Variants in KEL observed in about 807,000 individuals in gnomAD.
KEL encodes kell blood group glycoprotein.
KEL carries 96 observed loss-of-function variants against 99.5 expected under a neutral mutation model. The ratio of observed to expected loss-of-function variants is 0.97; its 90% confidence interval spans 0.82 to 1.14. The LOEUF is 1.14. Ranked by LOEUF, KEL falls within the 50% of genes most tolerant of loss-of-function variation. KEL has a pLI of 0.00. For synonymous variants in KEL, 355 were observed against 354.8 expected (o/e 1.00, Z -0.01); for missense variants, 926 against 924.2 (o/e 1.00, Z -0.03).
At position 142,961,881 on chromosome 7, in the gene KEL, A is replaced by C; in HGVS notation, c.4-9T>G. On this transcript the variant is annotated splice_polypyrimidine_tract_variant and intron_variant, in intron 1 of 18. Transcript: ENST00000355265. ...CTTTGGTCCCCACCTTCCTGAAGTG[A>C]GTGGAGGGAGAAGGAGGAGAGAGAA... The C allele has an allele frequency of 3.1e-6, 5 of 1,613,648 alleles. No homozygotes were observed. The highest frequency in any genetic ancestry group is 4.2e-6 in the Non-Finnish European group (5 of 1,179,630).
chr7:142,953,763 C>T (rs1796749115), intron 9 of KEL, 45 bp downstream of exon 9: 1 of 1,608,884 alleles, frequency 6.2e-7, no homozygotes, highest in African/African-American at 1.3e-5. Context: ...GGTGCTCAGG[C>T]TCTCCTCCAT....
chr7:142,946,210 A>T lies in KEL; in HGVS notation c.1311T>A (p.Ser437Arg). 4 of 1,609,332 alleles carry T rather than the reference A, an allele frequency of 2.5e-6. No individual in the cohort carries two copies. The highest frequency in any genetic ancestry group is 3.4e-6 in the Non-Finnish European group (4 of 1,175,792). ...GCTGGGAAGAGCTCTCACATACAGC[A>T]CTTCGGGTGCTCGGGCCAAAGGCCT... Reference protein sequence around the residue: ...VREAFGPSTRSAAMKLFTAIR... With the variant: ...VREAFGPSTRRAAMKLFTAIR... Residue 437 changes from serine (S) to arginine (R), a missense_variant, in exon 11 of 19, where the codon AGT becomes AGA. Ser to Arg is a moderately radical substitution (Grantham distance 110). Transcript: ENST00000355265.
In KEL at chr7:142,946,246, C is replaced by T. The variant is rs201001830; in HGVS notation, c.1275G>A (p.Leu425=). 4.2e-5 allele frequency: 68 copies of T among 1,614,036 alleles called. No homozygotes were observed. The highest frequency in any genetic ancestry group is 5.4e-5 in the Non-Finnish European group (64 of 1,180,028). ...GTFFEPTLAA[L]FVREAFGPST... is the part of the protein sequence containing the mutation. ...TCGGGCCAAAGGCCTCACGAACAAA[C>T]AAAGCCGCCAGCGTGGGCTCGAAGA... Residue 425 remains leucine, a synonymous_variant, in exon 11 of 19, where the codon TTG becomes TTA. Transcript: ENST00000355265.
intron 11 of KEL, 158 bp from the exon 12 acceptor site, chr7:142,944,899 G>T: frequency 1.5e-6 from 1 of 682,638 alleles, no homozygotes; most frequent in East Asian, 2.7e-5. Context: ...GCAACTAAAG[G>T]ATCTGTGGAG....
chr7:142,942,757 T>C, intron 17 of KEL, 118 bp downstream of exon 17: 1 of 1,295,734 alleles, frequency 7.7e-7, no homozygotes. Flanking sequence ...TCAGTGGGGA[T>C]GCGAAGGGCA....
At chr7:142,942,259 T>C in intron 18 of KEL, 175 bp downstream of exon 18, 2 of 631,588 alleles carry the variant, frequency 3.2e-6, no homozygotes, top group Non-Finnish European at 5.7e-6. Flanking sequence ...TGTAGTCATC[T>C]GAGGGGTGAT....
chr7:142,961,795 C>T lies in KEL; in HGVS notation c.81G>A (p.Glu27=), dbSNP rs1796965774. Residue 27 remains glutamate, a splice_region_variant and synonymous_variant, in exon 2 of 19, where the codon GAG becomes GAA. Transcript: ENST00000355265. ...AGACCCAGGAGAGGAGGCCACTTAC[C>T]TCTTGGCTCCAGAGAGTTCCCATTC... ...AGGMGTLWSQ[E]STPEERLPVE... is the part of the protein sequence containing the mutation. 6.2e-7 allele frequency: 1 copy of T among 1,613,626 alleles called. No homozygotes were observed. The highest frequency in any genetic ancestry group is 1.3e-5 in the African/African-American group (1 of 74,890).
intron 4 of KEL, 50 bp downstream of exon 4, chr7:142,960,878 G>A (rs763618640): frequency 6.4e-7 from 1 of 1,561,618 alleles, no homozygotes; most frequent in Non-Finnish European, 8.8e-7. Flanking sequence ...GTCATTTTAG[G>A]CACAGAGTCA....
intron 8 of KEL, 111 bp from the exon 9 acceptor site, chr7:142,954,067 T>G: frequency 1.4e-6 from 2 of 1,416,104 alleles, no homozygotes; most frequent in Non-Finnish European, 2.0e-6. Flanking sequence ...GGGGAGGGGA[T>G]GGAGTCAGAG....
intron 2 of KEL, 61 bp from the exon 3 acceptor site, chr7:142,961,562 G>C (rs1271796471): frequency 3.3e-6 from 5 of 1,524,918 alleles, no homozygotes; most frequent in African/African-American, 1.4e-5. Context: ...GGGATGGGAA[G>C]AAGAGGAGAG....
intron 9 of KEL, among the ~76,000 whole-genome samples, chr7:142,953,042 T>C (rs1423518878): frequency 1.3e-5 from 2 of 152,166 alleles, no homozygotes; most frequent in African/African-American, 4.8e-5. Context: ...CAGGGCTGCA[T>C]TGCACCCTTA....
At position 142,942,766 on chromosome 7, in the gene KEL, C is replaced by A. The variant is rs1056547720; in HGVS notation, c.1941+109G>T. The A allele has an allele frequency of 2.3e-5, 32 of 1,385,356 alleles. No individual in the cohort carries two copies. The African/African-American group carries it at 4.0e-4, about 17-fold the overall frequency. 85.8% of individuals were successfully genotyped at this position (1,385,356 alleles called of 1,614,324 possible). On this transcript the variant is annotated intron_variant, in intron 17 of 18. Transcript: ENST00000355265. ...GTCTATTCAGTGGGGATGCGAAGGG[C>A]AGAAAGCCATGCAACTGTACTTGTG... is the stretch of plus-strand genomic sequence containing the variant.
rs930963629 is a variant in KEL, at chr7:142,943,764, G to A, written c.1592+19C>T. ...GGTCTCTCTGGGATGGAGTGCCTGTGTCTCCCCTGCTGTCATACCTGTGTT... is the reference window on the plus strand; with the variant it reads ...GGTCTCTCTGGGATGGAGTGCCTGTATCTCCCCTGCTGTCATACCTGTGTT... On this transcript the variant is annotated intron_variant, in intron 14 of 18. Transcript: ENST00000355265. The A allele has an allele frequency of 1.9e-6, 3 of 1,605,164 alleles. No individual in the cohort carries two copies. The African/African-American group carries it at 4.0e-5, about 21-fold the overall frequency.
Position 142,952,418 on chromosome 7 carries a change from C to T in KEL, c.1203+91G>A, listed in dbSNP as rs1402062481. 6 of 1,529,428 alleles carry T rather than the reference C, an allele frequency of 3.9e-6. No homozygotes were observed. In the Admixed American group the frequency reaches 1.0e-4, roughly 26 times the overall value. 94.7% of individuals were successfully genotyped at this position (1,529,428 alleles called of 1,614,324 possible). Reference sequence around the variant, plus strand: ...GAGGGGCATCTACCATCACGGCCCCCTCCCTGAGAGAGAGATGCCGACATT... The same window carrying T: ...GAGGGGCATCTACCATCACGGCCCCTTCCCTGAGAGAGAGATGCCGACATT... On this transcript the variant is annotated intron_variant, in intron 10 of 18. Coordinates refer to ENST00000355265, the MANE Select transcript of KEL (RefSeq NM_000420.3).
intron 4 of KEL, among the ~76,000 whole-genome samples, chr7:142,959,665 TC>T (rs1199316683): frequency 3.3e-5 from 5 of 152,158 alleles, no homozygotes; most frequent in Admixed American, 6.5e-5. Context: ...CATCCATTGA[TC>T]CCAGGAAACA....
At position 142,961,720 on chromosome 7, in the gene KEL, T is replaced by C; in HGVS notation, c.81+75A>G. The stretch of plus-strand genomic sequence containing the variant: ...GAGGATGAAGCAGACAGTTAGTAGA[T>C]GAGTGTTTGTGGGATTTTAGAGCCG... On this transcript the variant is annotated intron_variant, in intron 2 of 18. Coordinates refer to ENST00000355265, the MANE Select transcript of KEL (RefSeq NM_000420.3). The C allele has an allele frequency of 5.2e-6, 7 of 1,356,702 alleles. 1 individual carries two copies. The South Asian group carries it at 7.0e-5, about 14-fold the overall frequency. 84.0% of individuals were successfully genotyped at this position (1,356,702 alleles called of 1,614,324 possible). A position where few individuals can be genotyped will look rare whatever the true frequency, so the allele number is the denominator to read the frequency against.
In KEL at chr7:142,943,354, A is replaced by T; in HGVS notation, c.1704-11T>A. ...CCAAAGTTCACGGCTCTAGGGAGAC[A>T]AGGGCTTATTTGACCCCCAGAATCT... On this transcript the variant is annotated splice_polypyrimidine_tract_variant and intron_variant, in intron 15 of 18. Coordinates refer to ENST00000355265, the MANE Select transcript of KEL (RefSeq NM_000420.3). The T allele has an allele frequency of 1.2e-6, 2 of 1,614,052 alleles. No individual in the cohort carries two copies. Among genetic ancestry groups the T allele is most frequent in the Non-Finnish European group, 1.7e-6 (2 of 1,179,974 alleles).
Position 142,958,373 on chromosome 7 carries a change from G to A in KEL, c.456C>T (p.Tyr152=). 6.2e-7 allele frequency: 1 copy of A among 1,614,142 alleles called. No individual in the cohort carries two copies. The highest frequency in any genetic ancestry group is 8.5e-7 in the Non-Finnish European group (1 of 1,180,018). ...TGGCAAGTGTATCCATGCAGGAGTT[G>A]TAGAACTGGAAGGCTTTCTCCTCCC... ...GSGEEKAFQF[Y]NSCMDTLAIE... The change falls in exon 5 of 19, where the codon TAC becomes TAT. Residue 152 remains tyrosine, a synonymous_variant. Transcript: ENST00000355265.
chr7:142,953,270 A>G, intron 9 of KEL: 1 of 807,998 alleles, frequency 1.2e-6, no homozygotes, highest in African/African-American at 1.8e-5. Context: ...ATTTCCTGAC[A>G]CCAGCAGAAA....
Sources: gnomAD v4.1 joint callset for allele counts (sites outside exome capture counted in the v4.1 genomes callset) on GRCh38, gnomAD v4.1.1 for gene constraint, MANE v1.5 for transcripts, NCBI Gene and HGNC (gene_info 2026-07-23, HGNC 2026-07-21) for gene names.